Variants in SPAST observed in about 807,000 individuals in gnomAD.
SPAST encodes the protein spastin, also known as spastic paraplegia 4 (autosomal dominant; spastin).
A neutral mutation model predicts 76.6 loss-of-function variants in SPAST; 30 were observed. The ratio of observed to expected loss-of-function variants is 0.39; its 90% confidence interval spans 0.29 to 0.53. The LOEUF (loss-of-function observed/expected upper bound fraction) is 0.53. Ranked by LOEUF, SPAST falls within the 20% of genes least tolerant of loss-of-function variation. SPAST has a pLI of 0.68. For synonymous variants in SPAST, 305 were observed against 281.0 expected (o/e 1.09, Z -0.86); for missense variants, 717 against 770.5 (o/e 0.93, Z 0.82).
At chr2:32,141,997 A>C in intron 13 of SPAST, 51 bp downstream of exon 13, 10 of 1,325,898 alleles carry the variant, frequency 7.5e-6, no homozygotes, top group Non-Finnish European at 1.1e-5. Flanking sequence ...AACAAGAACT[A>C]CCATCTTGAC....
At chr2:32,074,019 T>C (rs922231629) in intron 1 of SPAST, among the ~76,000 whole-genome samples, 3 of 152,188 alleles carry the variant, frequency 2.0e-5, no homozygotes, top group Non-Finnish European at 4.4e-5. Context: ...GTGGGGTTTA[T>C]TACCCACTGT....
Position 32,154,358 on chromosome 2 carries a change from CT to C in SPAST, c.1729-11del. 6.2e-7 allele frequency: 1 copy of C among 1,609,142 alleles called. No homozygotes were observed. Among genetic ancestry groups the C allele is most frequent in the Non-Finnish European group, 8.5e-7 (1 of 1,175,578 alleles). On this transcript the variant is annotated splice_polypyrimidine_tract_variant and intron_variant, in intron 16 of 16. Coordinates refer to ENST00000315285, the MANE Select transcript of SPAST (RefSeq NM_014946.4). ...TGTTGATCATTTGTATTGTCATGTG[CT>C]TTTTAAAAATCTAGATGAGAAATAT...
chr2:32,128,652 T>C, intron 9 of SPAST, 173 bp downstream of exon 9: 1 of 625,612 alleles, frequency 1.6e-6, no homozygotes. Context: ...TGTACATTTG[T>C]GTTGTCAAAT....
chr2:32,089,395 C>CT lies in SPAST; in HGVS notation c.503-119dup, dbSNP rs199751931. On this transcript the variant is annotated intron_variant, in intron 2 of 16. Transcript: ENST00000315285. ...CTTTCTTTTGGGTATACATTTTCTT[C>CT]TTTTTTTTAAAAAAAAATTTCTGTA... The CT allele has an allele frequency of 2.2e-3, 1,336 of 595,876 alleles. 1 individual carries two copies. Among genetic ancestry groups the CT allele is most frequent in the Middle Eastern group, 4.2e-3 (9 of 2,144 alleles). 36.9% of individuals were successfully genotyped at this position (595,876 alleles called of 1,614,324 possible). A position where few individuals can be genotyped will look rare whatever the true frequency, so the allele number is the denominator to read the frequency against.
At chr2:32,105,728 C>G (rs1194418563) in intron 4 of SPAST, among the ~76,000 whole-genome samples, 1 of 152,188 alleles carries the variant, frequency 6.6e-6, no homozygotes, top group Non-Finnish European at 1.5e-5. Context: ...GAGGTCCACT[C>G]CAGACCCTGT....
intron 1 of SPAST, among the ~76,000 whole-genome samples, chr2:32,079,655 C>G (rs867092805): frequency 7.0e-6 from 1 of 142,214 alleles, no homozygotes; most frequent in South Asian, 2.4e-4. Context: ...TCTTCCTGGA[C>G]TCAAGCAGTC....
chr2:32,112,412 ATCTT>A (rs1380860546), intron 4 of SPAST, among the ~76,000 whole-genome samples: 4 of 134,450 alleles, frequency 3.0e-5, no homozygotes, highest in Admixed American at 8.1e-5. Flanking sequence ...CAATGGAGTG[ATCTT>A]GGCTCACCGC....
chr2:32,087,698 T>C (rs1436733671), intron 2 of SPAST, 120 bp downstream of exon 2: 32 of 325,058 alleles, frequency 9.8e-5, no homozygotes, highest in African/African-American at 2.8e-4. Context: ...TCTTTTCTTT[T>C]TTTTTTTTTT....
At chr2:32,089,203 T>TG (rs1677612658) in intron 2 of SPAST, among the ~76,000 whole-genome samples, 1 of 138,832 alleles carries the variant, frequency 7.2e-6, no homozygotes, top group Non-Finnish European at 1.6e-5. Flanking sequence ...CGGCTAATTT[T>TG]TTTTTTTTTT....
chr2:32,093,768 G>A (rs1217355795), intron 3 of SPAST, among the ~76,000 whole-genome samples: 2 of 152,014 alleles, frequency 1.3e-5, no homozygotes, highest in Admixed American at 6.6e-5. Flanking sequence ...CACTATACCT[G>A]ATACAGTGTA....
intron 8 of SPAST, 171 bp from the exon 9 acceptor site, chr2:32,128,236 GC>G: frequency 1.8e-6 from 1 of 565,102 alleles, no homozygotes; most frequent in Non-Finnish European, 3.2e-6. Flanking sequence ...CTCAAGTGAT[GC>G]GCCTGCCTCG....
chr2:32,130,178 C>A (rs1679322994), intron 9 of SPAST: 1 of 152,058 alleles, frequency 6.6e-6, no homozygotes, highest in Non-Finnish European at 1.5e-5. Context: ...ATACGTGGTC[C>A]CAGCAAATCA....
intron 4 of SPAST, among the ~76,000 whole-genome samples, chr2:32,110,211 C>T (rs1193076192): frequency 6.8e-6 from 1 of 148,144 alleles, no homozygotes; most frequent in Non-Finnish European, 1.5e-5. Flanking sequence ...CTCTGCTTCC[C>T]AGGTTCAAGC....
At chr2:32,067,758 CTTTT>C (rs11285790) in intron 1 of SPAST, among the ~76,000 whole-genome samples, 1 of 140,664 alleles carries the variant, frequency 7.1e-6, no homozygotes, top group Non-Finnish European at 1.5e-5. Flanking sequence ...AAGTGATCCT[CTTTT>C]TTTTTTTTTT....
chr2:32,150,402 G>C (rs1449418103), intron 16 of SPAST, among the ~76,000 whole-genome samples: 1 of 150,328 alleles, frequency 6.7e-6, no homozygotes, highest in Non-Finnish European at 1.5e-5. Context: ...AAAGCTTTTA[G>C]TTTTCTAACT....
intron 15 of SPAST, among the ~76,000 whole-genome samples, chr2:32,145,342 C>G (rs1227967719): frequency 6.6e-6 from 1 of 152,176 alleles, no homozygotes; most frequent in Non-Finnish European, 1.5e-5. Context: ...AGTGAGCAGC[C>G]TGCCTTGGCC....
chr2:32,102,756 A>G (rs1478219211), intron 4 of SPAST, among the ~76,000 whole-genome samples: 2 of 152,190 alleles, frequency 1.3e-5, no homozygotes, highest in Non-Finnish European at 1.5e-5. Context: ...GGTTCTGTTT[A>G]TATGATGGAT....
chr2:32,125,346 C>T (rs1329910304), intron 7 of SPAST, among the ~76,000 whole-genome samples: 2 of 152,062 alleles, frequency 1.3e-5, no homozygotes, highest in Non-Finnish European at 2.9e-5. Flanking sequence ...GCCTCAACCT[C>T]CCGAGTAGCT....
In SPAST at chr2:32,136,874, T is replaced by C; in HGVS notation, c.1322-3T>C. ...TAAAGTCTTATACTTGTATTTCCTC[T>C]AGATGAAGTTGATAGCCTTTTGTGT... is the stretch of plus-strand genomic sequence containing the variant. On this transcript the variant is annotated splice_polypyrimidine_tract_variant and splice_region_variant and intron_variant, in intron 10 of 16. Transcript: ENST00000315285. The C allele has an allele frequency of 1.9e-6, 3 of 1,609,996 alleles. No individual in the cohort carries two copies. The highest frequency in any genetic ancestry group is 2.6e-6 in the Non-Finnish European group (3 of 1,176,348).
Sources: gnomAD v4.1 joint callset for allele counts (sites outside exome capture counted in the v4.1 genomes callset) on GRCh38, gnomAD v4.1.1 for gene constraint, MANE v1.5 for transcripts, NCBI Gene and HGNC (gene_info 2026-07-23, HGNC 2026-07-21) for gene names.